The following PCDHGA2 variants were observed in gnomAD, a reference collection of about 807,000 sequenced individuals.
The protein encoded by PCDHGA2 is protocadherin gamma subfamily A, 2.
A neutral mutation model predicts 59.2 loss-of-function variants in PCDHGA2; 40 were observed. That is an observed-to-expected ratio of 0.68 (90% CI 0.52 to 0.88). The LOEUF is 0.88. PCDHGA2 is among the 40% of genes least tolerant of loss of function. The pLI is 0.00. For missense variants in PCDHGA2, 1,226 were observed against 1,204.0 expected, an observed-to-expected ratio of 1.02 and a Z score of -0.27; for synonymous variants, 560 against 526.0, an observed-to-expected ratio of 1.06 and a Z score of -0.89.
Position 141,340,984 on chromosome 5 carries a change from C to G in PCDHGA2, c.2013C>G (p.Ile671Met). The change falls in exon 1 of 4, where the codon ATC (isoleucine) becomes ATG (methionine). Residue 671 changes from isoleucine (I) to methionine (M), a missense_variant. Ile to Met is a conservative substitution (Grantham distance 10). Coordinates refer to ENST00000394576, the MANE Select transcript of PCDHGA2 (RefSeq NM_018915.4). The part of the protein sequence containing the change: ...TVAVADRIPD[I>M]LADLGSLEPS... ...CCGTGGCCGACAGGATCCCCGACAT[C>G]CTGGCCGACCTGGGCAGCCTCGAGC... The G allele has an allele frequency of 6.2e-7, 1 of 1,613,958 alleles. No individual in the cohort carries two copies. The highest frequency in any genetic ancestry group is 8.5e-7 in the Non-Finnish European group (1 of 1,179,852).
rs2097372368 is a variant in PCDHGA2 at position 141,431,422 on chromosome 5, G to A, written c.2425-63385G>A. On this transcript the variant is annotated intron_variant, in intron 1 of 3. Coordinates refer to ENST00000394576, the MANE Select transcript of PCDHGA2 (RefSeq NM_018915.4). This position sits in a 1 kb window ranked among gnomAD's most constrained non-coding sequence, Gnocchi z 4.8. ...CGGCCTCCGACGGGGGCGACCCGGTGCGCACAGGCACCGCGCGCATCCGCG... is the reference window on the plus strand; with the variant it reads ...CGGCCTCCGACGGGGGCGACCCGGTACGCACAGGCACCGCGCGCATCCGCG... 6.2e-7 allele frequency: 1 copy of A among 1,613,710 alleles called. No individual in the cohort carries two copies. The highest frequency in any genetic ancestry group is 2.2e-5 in the East Asian group (1 of 44,882).
At chr5:141,423,772 A>G (rs767998260) in intron 1 of PCDHGA2, 39 of 1,219,850 alleles carry the variant, frequency 3.2e-5, no homozygotes, top group East Asian at 1.6e-4. Context: ...GGGGCGGCAT[A>G]TATTTAGTTC....
chr5:141,471,204 C>T (rs1349368582), intron 1 of PCDHGA2: 2 of 151,866 alleles, frequency 1.3e-5, no homozygotes, highest in African/African-American at 4.8e-5. Flanking sequence ...CACCCACCCC[C>T]ATGCCTGGCA....
chr5:141,365,520 C>G (rs749868232), intron 1 of PCDHGA2: 1 of 1,613,828 alleles, frequency 6.2e-7, no homozygotes, highest in East Asian at 2.2e-5. Context: ...TTGGAGAAGT[C>G]AGTTGATAAT....
rs2099883782 is a variant in PCDHGA2 at position 141,511,420 on chromosome 5, G to C, written c.*247G>C. The C allele has an allele frequency of 1.2e-6, 1 of 830,744 alleles. No homozygotes were observed. The allele number at this position is 830,744 out of a possible 1,614,324, so 51.5% of individuals were successfully genotyped here. On this transcript the variant is annotated 3_prime_UTR_variant, in exon 4 of 4. Transcript: ENST00000394576. ...TCCAATCAACTGCTGTACCCATGGG[G>C]GTAGTGGGGTTACTGTAGACACCAA...
intron 1 of PCDHGA2, chr5:141,345,150 G>T: frequency 6.2e-7 from 1 of 1,613,964 alleles, no homozygotes; most frequent in East Asian, 2.2e-5. Context: ...CGACGTGCAT[G>T]ACCGAGATTC....
intron 1 of PCDHGA2, chr5:141,383,475 G>T: frequency 6.2e-7 from 1 of 1,613,594 alleles, no homozygotes; most frequent in Non-Finnish European, 8.5e-7. Flanking sequence ...CTAAGTACCC[G>T]GAACTGGTGC....
intron 1 of PCDHGA2, among the ~76,000 whole-genome samples, chr5:141,425,915 C>G (rs537499239): frequency 1.3e-5 from 2 of 152,336 alleles, no homozygotes; most frequent in East Asian, 3.9e-4. Context: ...AAAACAGTCA[C>G]TACGAAAACT....
chr5:141,492,384 C>G (rs1001189412), intron 1 of PCDHGA2, among the ~76,000 whole-genome samples: 1 of 152,230 alleles, frequency 6.6e-6, no homozygotes, highest in Non-Finnish European at 1.5e-5. Context: ...AGGCCTGTTC[C>G]GGTCCACTCG....
rs548002755 is a variant in PCDHGA2, at chr5:141,409,062, G to A, written c.2424+67667G>A. On this transcript the variant is annotated intron_variant, in intron 1 of 3. Coordinates refer to ENST00000394576, the MANE Select transcript of PCDHGA2 (RefSeq NM_018915.4). ...TACTACTTCCGAAGCACTGCCCAGAGCACAAAACATATGTTCTCATTGGAT... is the reference window on the plus strand; with the variant it reads ...TACTACTTCCGAAGCACTGCCCAGAACACAAAACATATGTTCTCATTGGAT... The A allele has an allele frequency of 3.1e-6, 5 of 1,614,000 alleles. No homozygotes were observed. The South Asian group carries it at 4.4e-5, about 14-fold the overall frequency.
At chr5:141,370,675 A>G (rs567328067) in intron 1 of PCDHGA2, 2 of 1,613,844 alleles carry the variant, frequency 1.2e-6, no homozygotes, top group African/African-American at 2.7e-5. Flanking sequence ...GACCGAGAGG[A>G]GATTTGTGGC....
In PCDHGA2 at chr5:141,344,332, C is replaced by T. The variant is rs752621108; in HGVS notation, c.2424+2937C>T. The T allele has an allele frequency of 1.5e-5, 25 of 1,613,942 alleles. No individual in the cohort carries two copies. In the African/African-American group the frequency reaches 2.3e-4, roughly 15 times the overall value. The stretch of plus-strand genomic sequence containing the variant: ...CGGGAGGAGCTCTGCGCTCAGATCC[C>T]GCTGTGTCTGGTAAAAATTAACATT... On this transcript the variant is annotated intron_variant, in intron 1 of 3. Coordinates refer to ENST00000394576, the MANE Select transcript of PCDHGA2 (RefSeq NM_018915.4).
intron 1 of PCDHGA2, among the ~76,000 whole-genome samples, chr5:141,380,385 A>G (rs543895642): frequency 3.0e-4 from 46 of 152,380 alleles, no homozygotes; most frequent in Non-Finnish European, 8.8e-5. Context: ...AAAAAAGAAA[A>G]GAGAGAAGAT....
Position 141,341,204 on chromosome 5 carries a change from G to T in PCDHGA2, c.2233G>T (p.Gly745Trp). Residue 745 changes from glycine (G) to tryptophan (W), a missense_variant, in exon 1 of 4, where the codon GGG becomes TGG. Physicochemically the swap from Gly to Trp is radical, Grantham distance 184. Transcript: ENST00000394576. Reference sequence around the variant, plus strand: ...GAGCTCGCACTTTGTGGGCGTGGACGGGGTTCGGGCTTTCCTGCAGACCTA... The same window carrying T: ...GAGCTCGCACTTTGTGGGCGTGGACTGGGTTCGGGCTTTCCTGCAGACCTA... The part of the protein sequence containing the change: ...MQSSHFVGVD[G>W]VRAFLQTYSH... The T allele has an allele frequency of 6.2e-7, 1 of 1,614,230 alleles. No homozygotes were observed. The highest frequency in any genetic ancestry group is 8.5e-7 in the Non-Finnish European group (1 of 1,180,048).
At chr5:141,370,569 G>A (rs761678477) in intron 1 of PCDHGA2, 4 of 1,613,946 alleles carry the variant, frequency 2.5e-6, no homozygotes, top group Middle Eastern at 1.6e-4. Flanking sequence ...GTTTGGCGTG[G>A]GGGATTTACC....
At chr5:141,408,889 A>T in intron 1 of PCDHGA2, 3 of 1,613,232 alleles carry the variant, frequency 1.9e-6, no homozygotes, top group Non-Finnish European at 2.5e-6. Flanking sequence ...CTCACATAGA[A>T]ATTTCTGTCA....
intron 1 of PCDHGA2, chr5:141,478,608 G>C (rs751033009): frequency 7.7e-6 from 12 of 1,558,942 alleles, no homozygotes; most frequent in Middle Eastern, 1.7e-4. Context: ...ATCATATTGA[G>C]GAAGGAATGG....
chr5:141,415,750 T>G lies in PCDHGA2; in HGVS notation c.2424+74355T>G, dbSNP rs758016978. 309 of 1,313,170 alleles carry G rather than the reference T, an allele frequency of 2.4e-4. No individual in the cohort carries two copies. In the East Asian group the frequency reaches 2.9e-3, roughly 12 times the overall value. 81.3% of individuals were successfully genotyped at this position (1,313,170 alleles called of 1,614,324 possible). On this transcript the variant is annotated intron_variant, in intron 1 of 3. Coordinates refer to ENST00000394576, the MANE Select transcript of PCDHGA2 (RefSeq NM_018915.4). Reference sequence around the variant, plus strand: ...TTGATGTTTATTAAGGTTTTTTTTTTTTTTTTTTTTTTTTTTTTTTTTACT... The same window carrying G: ...TTGATGTTTATTAAGGTTTTTTTTTGTTTTTTTTTTTTTTTTTTTTTTACT...
rs1057107770 is a variant in PCDHGA2 at position 141,387,795 on chromosome 5, T to C, written c.2424+46400T>C. 28 of 1,499,168 alleles carry C rather than the reference T, an allele frequency of 1.9e-5. No homozygotes were observed. In the African/African-American group the frequency reaches 2.5e-4, roughly 13 times the overall value. The allele number at this position is 1,499,168 out of a possible 1,614,324, so 92.9% of individuals were successfully genotyped here. A position where few individuals can be genotyped will look rare whatever the true frequency, so the allele number is the denominator to read the frequency against. On this transcript the variant is annotated intron_variant, in intron 1 of 3. Transcript: ENST00000394576. ...TCTTGAACTGGAACTGCAACTAAAG[T>C]CCGTTCGGAGATCCAAAAATCTGCA... is the stretch of plus-strand genomic sequence containing the variant.
Sources: gnomAD v4.1 joint callset for allele counts (sites outside exome capture counted in the v4.1 genomes callset) on GRCh38, gnomAD v4.1.1 for gene constraint, Gnocchi (gnomAD v3.1) non-coding constraint, MANE v1.5 for transcripts, NCBI Gene and HGNC (gene_info 2026-07-23, HGNC 2026-07-21) for gene names.